NTM: variants seen among roughly 807,000 people sequenced by gnomAD.
NTM encodes IgLON family member 2.
A neutral mutation model predicts 42.1 loss-of-function variants in NTM; 13 were observed. That is an observed-to-expected ratio of 0.31 (90% CI 0.20 to 0.49). The LOEUF (loss-of-function observed/expected upper bound fraction) is 0.49. Among genes scored for constraint, NTM ranks in the 20% least tolerant of loss-of-function variants. The pLI is 0.99. For synonymous variants in NTM, 187 were observed against 179.2 expected (o/e 1.04, Z -0.35); for missense variants, 373 against 452.8 (o/e 0.82, Z 1.60).
At chr11:131,870,709 G>A (rs1342874831) in intron 1 of NTM, among the ~76,000 whole-genome samples, 2 of 152,146 alleles carry the variant, frequency 1.3e-5, no homozygotes, top group Non-Finnish European at 2.9e-5. Context: ...CCAATTCTCA[G>A]AGAGAAAATG....
chr11:131,993,686 G>A (rs1183909355), intron 2 of NTM, among the ~76,000 whole-genome samples: 1 of 152,060 alleles, frequency 6.6e-6, no homozygotes, highest in Non-Finnish European at 1.5e-5. Flanking sequence ...AGGGGATTGA[G>A]AAGAATGGAA....
At chr11:131,974,912 CAT>C (rs2064088454) in intron 2 of NTM, among the ~76,000 whole-genome samples, 1 of 152,138 alleles carries the variant, frequency 6.6e-6, no homozygotes. Flanking sequence ...AAGGCTAAAA[CAT>C]ATCACAAATG....
At chr11:131,818,773 T>G (rs2093055281) in intron 1 of NTM, among the ~76,000 whole-genome samples, 1 of 152,232 alleles carries the variant, frequency 6.6e-6, no homozygotes, top group African/African-American at 2.4e-5. Context: ...TCTGAGTGTC[T>G]GTCCTTCTAT....
intron 1 of NTM, chr11:131,534,296 G>C (rs1218971418): frequency 6.6e-6 from 1 of 152,152 alleles, no homozygotes; most frequent in Non-Finnish European, 1.5e-5. Flanking sequence ...TTGAAACATG[G>C]GTGAAGTGGA....
chr11:132,061,081 C>A (rs879942036), intron 2 of NTM, among the ~76,000 whole-genome samples: 3 of 152,104 alleles, frequency 2.0e-5, no homozygotes, highest in Non-Finnish European at 4.4e-5. Context: ...TTTTCTATTT[C>A]TTCTTTTCCT....
At chr11:131,896,679 C>CTTTTT (rs71067345) in intron 1 of NTM, among the ~76,000 whole-genome samples, 25 of 100,608 alleles carry the variant, frequency 2.5e-4, no homozygotes, top group Non-Finnish European at 3.5e-4. Flanking sequence ...ACATTTTAGG[C>CTTTTT]TTTTTTTTTT....
chr11:132,220,195 T>G (rs532917560), intron 4 of NTM, among the ~76,000 whole-genome samples: 1 of 152,260 alleles, frequency 6.6e-6, no homozygotes, highest in Non-Finnish European at 1.5e-5. Context: ...AAAAAAGGGA[T>G]TAATTGTGAC....
chr11:132,334,195 G>A (rs964374628), intron 8 of NTM, among the ~76,000 whole-genome samples: 1 of 152,256 alleles, frequency 6.6e-6, no homozygotes, highest in African/African-American at 2.4e-5. Flanking sequence ...AAGGGCCGAG[G>A]TAGCCAGAAA....
At chr11:131,575,570 T>A (rs2057851864) in intron 1 of NTM, among the ~76,000 whole-genome samples, 1 of 152,222 alleles carries the variant, frequency 6.6e-6, no homozygotes, top group African/African-American at 2.4e-5. Flanking sequence ...TAGATCGCTA[T>A]AACTTTTAGA....
chr11:132,084,277 A>T (rs902008349), intron 2 of NTM, among the ~76,000 whole-genome samples: 5 of 152,168 alleles, frequency 3.3e-5, no homozygotes, highest in Non-Finnish European at 5.9e-5. Flanking sequence ...TTGACAAAGA[A>T]ATTTGGTTAT....
intron 1 of NTM, among the ~76,000 whole-genome samples, chr11:131,786,750 T>G (rs1304633501): frequency 6.6e-6 from 1 of 152,326 alleles, no homozygotes; most frequent in East Asian, 1.9e-4. Flanking sequence ...AGGTTGTACC[T>G]GCAGGAGGCT....
chr11:131,601,505 A>G (rs938381697), intron 1 of NTM, among the ~76,000 whole-genome samples: 2 of 152,102 alleles, frequency 1.3e-5, no homozygotes, highest in Non-Finnish European at 2.9e-5. Context: ...ATGAAATCTC[A>G]TTTGGACGCA....
In NTM at chr11:132,048,257, C is replaced by T. The variant is rs190463016; in HGVS notation, c.168-98025C>T. ...TTAGACAGCAATACCCCCCATGCCG[C>T]CACCTCCTCCCTCCCTTCAGCGGCA... On this transcript the variant is annotated intron_variant, in intron 2 of 8. Transcript: ENST00000683400. 3.1e-3 allele frequency among the ~76,000 whole-genome samples: 472 copies of T among 152,262 alleles called. 3 individuals are homozygous for T. Among genetic ancestry groups the T allele is most frequent in the African/African-American group, 0.011 (446 of 41,546 alleles).
intron 1 of NTM, among the ~76,000 whole-genome samples, chr11:131,639,281 TTTG>T (rs1478496572): frequency 1.7e-4 from 18 of 103,662 alleles, no homozygotes. Flanking sequence ...GGATCTGTTT[TTTG>T]TTTGTTTTTC....
At chr11:132,112,770 A>C (rs2063394553) in intron 2 of NTM, among the ~76,000 whole-genome samples, 1 of 150,906 alleles carries the variant, frequency 6.6e-6, no homozygotes, top group Non-Finnish European at 1.5e-5. Context: ...TTACATGGCA[A>C]GTCTTCTGGA....
chr11:131,683,231 G>A (rs74316197), intron 1 of NTM, among the ~76,000 whole-genome samples: 3,125 of 152,268 alleles, frequency 0.021, 44 homozygotes, highest in Middle Eastern at 0.048. Context: ...CACTCTCCGC[G>A]CTTCAGCAGC....
intron 1 of NTM, among the ~76,000 whole-genome samples, chr11:131,596,899 G>A (rs1051697455): frequency 6.6e-6 from 1 of 152,240 alleles, no homozygotes; most frequent in Non-Finnish European, 1.5e-5. Context: ...GGAGCAAAGA[G>A]AGCCAGGCCA....
At chr11:131,622,120 G>A (rs1048990467) in intron 1 of NTM, among the ~76,000 whole-genome samples, 3 of 152,092 alleles carry the variant, frequency 2.0e-5, no homozygotes, top group African/African-American at 7.2e-5. Context: ...AGGATGGGGG[G>A]GACCATCCAC....
chr11:131,664,587 A>G (rs1285954177), intron 1 of NTM, among the ~76,000 whole-genome samples: 1 of 152,076 alleles, frequency 6.6e-6, no homozygotes, highest in Admixed American at 6.5e-5. Context: ...CCAGGTACCA[A>G]ATGAACACGC....
Sources: allele counts gnomAD v4.1 joint callset (sites outside exome capture counted in the v4.1 genomes callset), GRCh38; gene constraint gnomAD v4.1.1; transcripts MANE v1.5; gene names NCBI Gene and HGNC (gene_info 2026-07-23, HGNC 2026-07-21).